The following SCRIB variants were observed in gnomAD, a reference collection of about 807,000 sequenced individuals.
SCRIB encodes protein scribble homolog.
SCRIB carries 72 observed loss-of-function variants against 170.0 expected under a neutral mutation model. The ratio of observed to expected loss-of-function variants is 0.42; its 90% confidence interval spans 0.35 to 0.52. The LOEUF is 0.52. Among genes scored for constraint, SCRIB ranks in the 20% least tolerant of loss-of-function variants. The pLI is 0.02. For synonymous variants in SCRIB, 1,298 were observed against 1,044.3 expected (o/e 1.24, Z -4.68); for missense variants, 2,475 against 2,338.5 (o/e 1.06, Z -1.20).
chr8:143,804,875 AGGGCGC>A, intron 20 of SCRIB, 50 bp from the exon 21 acceptor site: 1 of 629,566 alleles, frequency 1.6e-6, no homozygotes, highest in South Asian at 3.0e-5. Context: ...AAGGGGACAG[AGGGCGC>A]GGGGCGGGGC....
chr8:143,807,214 T>TG (rs1815468329), intron 16 of SCRIB, among the ~76,000 whole-genome samples: 1 of 152,244 alleles, frequency 6.6e-6, no homozygotes, highest in Non-Finnish European at 1.5e-5. Flanking sequence ...GGCACTGCTC[T>TG]GCAGAGCGTG....
At chr8:143,810,295 G>A (rs111894818) in intron 13 of SCRIB, among the ~76,000 whole-genome samples, 184 bp downstream of exon 13, 2,511 of 152,014 alleles carry the variant, frequency 0.017, 35 homozygotes, top group Middle Eastern at 0.024. Context: ...CGACCCACAC[G>A]TCCACCCTGG....
chr8:143,794,768 C>T (rs1814867638), intron 27 of SCRIB, among the ~76,000 whole-genome samples: 1 of 152,114 alleles, frequency 6.6e-6, no homozygotes, highest in African/African-American at 2.4e-5. Context: ...AGGTGAAGCT[C>T]TCGCACCGCC....
rs776178967 is a variant in SCRIB, at chr8:143,808,857, C to T, written c.1867G>A (p.Glu623Lys). 1.6e-5 allele frequency: 26 copies of T among 1,610,508 alleles called. No individual in the cohort carries two copies. The highest frequency in any genetic ancestry group is 4.0e-5 in the African/African-American group (3 of 75,068). ...CCCTGCAGCAGAGCCACAACGGCCT[C>T]GGGCTGGGGCAGCTTGGAGATCTTG... is the stretch of plus-strand genomic sequence containing the variant. Reference protein sequence around the residue: ...HFKISKLPQPEAVVALLQGMQ... With the variant: ...HFKISKLPQPKAVVALLQGMQ... The change falls in exon 15 of 37, where the codon GAG (glutamate) becomes AAG (lysine). Residue 623 changes from glutamate (E) to lysine (K), a missense_variant. Physicochemically the swap from Glu to Lys is moderately conservative, Grantham distance 56. Coordinates refer to ENST00000356994, the MANE Select transcript of SCRIB (RefSeq NM_182706.5).
chr8:143,812,759 C>A, intron 8 of SCRIB, 58 bp downstream of exon 8: 2 of 1,572,014 alleles, frequency 1.3e-6, no homozygotes, highest in Non-Finnish European at 1.7e-6. Flanking sequence ...CGACGCCCCA[C>A]GCTCCTCCCA....
Position 143,791,212 on chromosome 8 carries a change from C to T in SCRIB, c.4919G>A (p.Arg1640His), listed in dbSNP as rs782340486. Residue 1640 changes from arginine to histidine, a missense_variant, in exon 37 of 37, where the codon CGC becomes CAC. By Grantham distance (29) the Arg-to-His change is conservative. Coordinates refer to ENST00000356994, the MANE Select transcript of SCRIB (RefSeq NM_182706.5). ...ACGGCGCCCAGGCCTTACGGGGCGG[C>T]GGCTGCTGCACAGTGCCACATCTTC... ...GPEDVALCSS[R>H]RPVRPGRRGL... The T allele has an allele frequency of 2.6e-5, 37 of 1,449,398 alleles. No homozygotes were observed. Among genetic ancestry groups the T allele is most frequent in the East Asian group, 7.6e-5 (3 of 39,600 alleles). 89.8% of individuals were successfully genotyped at this position (1,449,398 alleles called of 1,614,324 possible). A position where few individuals can be genotyped will look rare whatever the true frequency, so the allele number is the denominator to read the frequency against.
chr8:143,793,700 G>A (rs782425047), intron 28 of SCRIB, 200 bp downstream of exon 28: 19 of 534,062 alleles, frequency 3.6e-5, no homozygotes, highest in African/African-American at 2.3e-4. Context: ...CCACCCCATC[G>A]CCAGGCAGCT....
intron 24 of SCRIB, 24 bp downstream of exon 24, chr8:143,803,359 G>T: frequency 6.5e-7 from 1 of 1,532,626 alleles, no homozygotes. Context: ...AGGGAGGCCC[G>T]GTCCCCGGGG....
Position 143,806,927 on chromosome 8 carries a change from G to A in SCRIB, c.2265C>T (p.Asp755=), listed in dbSNP as rs544265151. Residue 755 remains aspartate, a synonymous_variant, in exon 17 of 37, where the codon GAC becomes GAT. Transcript: ENST00000356994. ...GGCCCTCCTAGGCAGTGCTCACCTC[G>A]TCGTCCCCCTTATAGGGTGTGGAGC... ...GKGSTPYKGD[D]EGIFISRVSE... The A allele has an allele frequency of 1.3e-5, 21 of 1,608,518 alleles. No homozygotes were observed. Among genetic ancestry groups the A allele is most frequent in the Admixed American group, 3.4e-5 (2 of 59,664 alleles).
Position 143,815,633 on chromosome 8 carries a change from G to C in SCRIB, c.-261C>G. On this transcript the variant is annotated 5_prime_UTR_variant, in exon 1 of 37. Coordinates refer to ENST00000356994, the MANE Select transcript of SCRIB (RefSeq NM_182706.5). Reference sequence around the variant, plus strand: ...AGCGCGGGGAGCGGCGGCGGCGGCGGCTCCGCATCCCGCTTGGTCCTGCTC... The same window carrying C: ...AGCGCGGGGAGCGGCGGCGGCGGCGCCTCCGCATCCCGCTTGGTCCTGCTC... The C allele has an allele frequency of 1.0e-6, 1 of 982,710 alleles. No individual in the cohort carries two copies. Among genetic ancestry groups the C allele is most frequent in the Non-Finnish European group, 1.2e-6 (1 of 828,746 alleles). The allele number at this position is 982,710 out of a possible 1,614,324, so 60.9% of individuals were successfully genotyped here.
chr8:143,810,703 C>G lies in SCRIB; in HGVS notation c.1387G>C (p.Ala463Pro), dbSNP rs760777519. Residue 463 changes from alanine to proline, a missense_variant, in exon 12 of 37, where the codon GCT becomes CCT. Ala to Pro is a conservative substitution (Grantham distance 27). Around this residue, in one of 3 missense-constraint regions of SCRIB, gnomAD observed 1,966 missense variants for 1,742.9 expected, o/e 1.13. Coordinates refer to ENST00000356994, the MANE Select transcript of SCRIB (RefSeq NM_182706.5). ...APIGDEDAEE[A>P]AAEKRGLQRR... Reference sequence around the variant, plus strand: ...CCTCATACCCGCTTCTCAGCTGCAGCTTCCTCAGCGTCCTCATCACCTATG... The same window carrying G: ...CCTCATACCCGCTTCTCAGCTGCAGGTTCCTCAGCGTCCTCATCACCTATG... The G allele has an allele frequency of 6.2e-7, 1 of 1,603,904 alleles. No homozygotes were observed. The highest frequency in any genetic ancestry group is 8.5e-7 in the Non-Finnish European group (1 of 1,173,118).
chr8:143,808,938 G>C lies in SCRIB; in HGVS notation c.1786C>G (p.Pro596Ala), dbSNP rs953224983. Residue 596 changes from proline (P) to alanine (A), a missense_variant, in exon 15 of 37, where the codon CCA becomes GCA. This residue lies in a region of SCRIB where 1,966 missense variants were observed against 1,742.9 expected (regional missense o/e 1.13). Coordinates refer to ENST00000356994, the MANE Select transcript of SCRIB (RefSeq NM_182706.5). ...CGGATGAGCCGCTGCCTCCCGCCTG[G>C]CAGGGTCCAGGGGGCCTCAGGCTGC... ...EGQPEAPWTLPGGRQRLIRKD... is the reference protein window; with the variant it reads ...EGQPEAPWTLAGGRQRLIRKD... The C allele has an allele frequency of 6.2e-7, 1 of 1,612,348 alleles. No homozygotes were observed. Among genetic ancestry groups the C allele is most frequent in the Non-Finnish European group, 8.5e-7 (1 of 1,180,008 alleles).
chr8:143,807,450 G>C, intron 16 of SCRIB, 102 bp downstream of exon 16: 1 of 940,400 alleles, frequency 1.1e-6, no homozygotes, highest in East Asian at 2.4e-5. Context: ...TTTTGAGAGG[G>C]ATCTGCGCTC....
At chr8:143,813,784 G>A (rs374376149) in intron 3 of SCRIB, 34 bp downstream of exon 3, 3 of 1,609,906 alleles carry the variant, frequency 1.9e-6, no homozygotes, top group Non-Finnish European at 2.5e-6. Context: ...GGGACCCATA[G>A]CCCCTACCGA....
rs1463284695 is a variant in SCRIB, at chr8:143,810,809, A to T, written c.1281T>A (p.Ala427=). The part of the protein sequence containing the change: ...PQQPPPSLED[A]GQQGSLSETW... ...TCTCCGAGAGGCTCCCCTGCTGCCC[A>T]GCATCCTCTGCAGCAGGTGAGCGTC... Residue 427 remains alanine, a synonymous_variant, in exon 12 of 37, where the codon GCT becomes GCA. Transcript: ENST00000356994. 1 of 1,601,292 alleles carries T rather than the reference A, an allele frequency of 6.2e-7. No homozygotes were observed. The highest frequency in any genetic ancestry group is 8.5e-7 in the Non-Finnish European group (1 of 1,176,784).
chr8:143,804,289 C>T (rs1176118238), intron 21 of SCRIB, 133 bp from the exon 22 acceptor site: 11 of 726,040 alleles, frequency 1.5e-5, no homozygotes, highest in Admixed American at 3.0e-5. Flanking sequence ...GGGATTTCTG[C>T]GCCACCAGTG....
In SCRIB at chr8:143,813,823, GA is replaced by G. The variant is rs1815880278; in HGVS notation, c.350del (p.Leu117ProfsTer19). 1 of 1,609,390 alleles carries G rather than the reference GA, an allele frequency of 6.2e-7. No individual in the cohort carries two copies. Among genetic ancestry groups the G allele is most frequent in the African/African-American group, 1.3e-5 (1 of 75,002 alleles). On this transcript the variant is annotated frameshift_variant, in exon 3 of 37. Transcript: ENST00000356994. LOFTEE classifies it high-confidence loss of function. ...CACCACAGGCTGCCACCCACCTGGA[GA>G]GGGGGTTCCCGCTGAAGTCCGCGAT... is the stretch of plus-strand genomic sequence containing the variant. ...LEIADFSGNP[L>X]SRLPDGFTQL...
rs773724301 is a variant in SCRIB, at chr8:143,811,155, G to A, written c.1097C>T (p.Ala366Val). The A allele has an allele frequency of 1.6e-5, 26 of 1,603,652 alleles. No individual in the cohort carries two copies. The highest frequency in any genetic ancestry group is 1.6e-4 in the Middle Eastern group (1 of 6,066). ...CAAGGCTGGCACTCACCGGTTCCCC[G>A]CCACGTCCAGCACGTGCAGCTCTGT... ...HTTELHVLDV[A>V]GNRLQSLPFA... Residue 366 changes from alanine (A) to valine (V), a missense_variant, in exon 10 of 37, where the codon GCG becomes GTG. Ala to Val is a moderately conservative substitution (Grantham distance 64). Around this residue, in one of 3 missense-constraint regions of SCRIB, gnomAD observed 487 missense variants for 558.1 expected, o/e 0.87. Coordinates refer to ENST00000356994, the MANE Select transcript of SCRIB (RefSeq NM_182706.5).
chr8:143,792,156 G>A, intron 32 of SCRIB, 23 bp from the exon 33 acceptor site: 2 of 1,559,348 alleles, frequency 1.3e-6, no homozygotes, highest in South Asian at 1.2e-5. Flanking sequence ...GCGGGCAGGG[G>A]TGACTTGGGG....
Sources: allele counts gnomAD v4.1 joint callset (sites outside exome capture counted in the v4.1 genomes callset), GRCh38; gene constraint gnomAD v4.1.1; regional missense constraint gnomAD v4.1.1; transcripts MANE v1.5; gene names NCBI Gene and HGNC (gene_info 2026-07-23, HGNC 2026-07-21).